The following IL1RAPL2 variants were observed in gnomAD, a reference collection of about 807,000 sequenced individuals.
IL1RAPL2 encodes interleukin 1 receptor accessory protein like 2.
In IL1RAPL2, 3 loss-of-function variants were observed where a neutral mutation model predicts 44.1. The observed-to-expected ratio is 0.07, with a 90% CI of 0.03 to 0.18. The LOEUF is 0.18. Ranked by LOEUF, IL1RAPL2 falls within the 10% of genes least tolerant of loss-of-function variation. The pLI is 1.00. For missense variants in IL1RAPL2, 391 were observed against 496.4 expected, an observed-to-expected ratio of 0.79 and a Z score of 2.02; for synonymous variants, 181 against 178.8, an observed-to-expected ratio of 1.01 and a Z score of -0.10.
intron 3 of IL1RAPL2, among the ~76,000 whole-genome samples, chrX:105,209,315 A>G (rs1233600935): frequency 8.9e-6 from 1 of 112,247 alleles, no homozygotes; most frequent in Non-Finnish European, 1.9e-5. Context: ...AGAGACAGGT[A>G]TAGCCAAGTT....
chrX:105,747,723 AGACT>A (rs1207868766), intron 8 of IL1RAPL2, among the ~76,000 whole-genome samples: 2 of 109,222 alleles, frequency 1.8e-5, no homozygotes, highest in African/African-American at 6.7e-5. Flanking sequence ...CAAGAGTGAC[AGACT>A]GTCAATGGTC....
chrX:105,130,266 A>G (rs1010191560), intron 2 of IL1RAPL2, among the ~76,000 whole-genome samples: 7 of 111,315 alleles, frequency 6.3e-5, no homozygotes, highest in African/African-American at 2.0e-4. Flanking sequence ...TTAGAAAAAC[A>G]TGATTTTCAG....
At position 105,026,045 on chromosome X, in the gene IL1RAPL2, C is replaced by T. The variant is rs1179188959; in HGVS notation, c.83-169430C>T. The stretch of plus-strand genomic sequence containing the variant: ...GACAAGAGTTGGGACCAGGAATCTG[C>T]GGAAAAGCATTGATGGGGGAATGGG... On this transcript the variant is annotated intron_variant, in intron 2 of 10. Transcript: ENST00000372582. 6.3e-5 allele frequency among the ~76,000 whole-genome samples: 7 copies of T among 110,684 alleles called. No individual in the cohort carries two copies. In the South Asian group the frequency reaches 2.7e-3, roughly 43 times the overall value.
intron 5 of IL1RAPL2, among the ~76,000 whole-genome samples, chrX:105,447,123 A>G (rs2035964862): frequency 1.6e-5 from 1 of 61,327 alleles, no homozygotes. Context: ...ATATATAAAT[A>G]TAAATATATA....
At chrX:104,998,157 A>G (rs1482887098) in intron 2 of IL1RAPL2, among the ~76,000 whole-genome samples, 1 of 111,641 alleles carries the variant, frequency 9.0e-6, no homozygotes, top group Non-Finnish European at 1.9e-5. Context: ...GTTAAAAAGG[A>G]GTGGTAACAA....
intron 2 of IL1RAPL2, among the ~76,000 whole-genome samples, chrX:104,687,944 A>C (rs1332712162): frequency 9.0e-6 from 1 of 111,500 alleles, no homozygotes; most frequent in African/African-American, 3.3e-5. Context: ...AAGAAACAAC[A>C]AAAAACCAAA....
chrX:105,354,140 T>C (rs1490930285), intron 5 of IL1RAPL2, among the ~76,000 whole-genome samples: 1 of 111,079 alleles, frequency 9.0e-6, no homozygotes. Context: ...GACCCAGCCA[T>C]CCCATTACTG....
intron 1 of IL1RAPL2, among the ~76,000 whole-genome samples, chrX:104,636,781 T>C (rs1442418252): frequency 8.9e-6 from 1 of 112,487 alleles, no homozygotes; most frequent in African/African-American, 3.2e-5. Flanking sequence ...CACTGACCCC[T>C]TGTGCTTCCC....
In IL1RAPL2 at chrX:104,850,522, T is replaced by G. The variant is rs1423456930; in HGVS notation, c.82+191527T>G. Reference sequence around the variant, plus strand: ...AAGATTTTGATCTATTTGATCTGAGTCTTTCATAAACATTTATCTAGGTTT... The same window carrying G: ...AAGATTTTGATCTATTTGATCTGAGGCTTTCATAAACATTTATCTAGGTTT... On this transcript the variant is annotated intron_variant, in intron 2 of 10. Coordinates refer to ENST00000372582, the MANE Select transcript of IL1RAPL2 (RefSeq NM_017416.2). Among the ~76,000 whole-genome samples, 6 of 111,925 alleles carry G rather than the reference T, an allele frequency of 5.4e-5. No individual in the cohort carries two copies. In the East Asian group the frequency reaches 1.4e-3, roughly 26 times the overall value.
intron 2 of IL1RAPL2, among the ~76,000 whole-genome samples, chrX:105,009,496 A>C (rs1453302317): frequency 1.2e-4 from 13 of 106,474 alleles, no homozygotes; most frequent in Non-Finnish European, 2.3e-4. Flanking sequence ...AACTATCGCA[A>C]GGACAAAAAA....
chrX:105,425,338 G>A (rs1239529467), intron 5 of IL1RAPL2, among the ~76,000 whole-genome samples: 3 of 110,776 alleles, frequency 2.7e-5, no homozygotes, highest in Non-Finnish European at 3.8e-5. Flanking sequence ...AGAAAAATAC[G>A]GAGGAGGAAA....
rs2034413016 is a variant in IL1RAPL2 at position 105,267,558 on chromosome X, C to T, written c.697+17C>T. 1.8e-6 allele frequency: 2 copies of T among 1,137,088 alleles called. No homozygotes were observed. The highest frequency in any genetic ancestry group is 1.8e-5 in the African/African-American group (1 of 54,594). The allele number at this position is 1,137,088 out of a possible 1,213,427, so 93.7% of individuals were successfully genotyped here. A position where few individuals can be genotyped will look rare whatever the true frequency, so the allele number is the denominator to read the frequency against. ...AAGTTACAGGTAGGAATCAGTTCTA[C>T]AAAATTACGGCAAATGAGATTTTAA... On this transcript the variant is annotated intron_variant, in intron 5 of 10. Coordinates refer to ENST00000372582, the MANE Select transcript of IL1RAPL2 (RefSeq NM_017416.2).
At chrX:105,475,352 CATATT>C (rs199923489) in intron 5 of IL1RAPL2, among the ~76,000 whole-genome samples, 1,780 of 111,024 alleles carry the variant, frequency 0.016, 30 homozygotes, top group African/African-American at 0.055. Context: ...CCTTGGGTAT[CATATT>C]ATATTTTTAG....
chrX:105,322,175 G>A (rs2034901873), intron 5 of IL1RAPL2, among the ~76,000 whole-genome samples: 1 of 112,402 alleles, frequency 8.9e-6, no homozygotes, highest in African/African-American at 3.2e-5. Flanking sequence ...TCACTATTTG[G>A]AATCCTTATG....
chrX:105,121,155 C>T (rs969115039), intron 2 of IL1RAPL2, among the ~76,000 whole-genome samples: 1 of 111,433 alleles, frequency 9.0e-6, no homozygotes, highest in Non-Finnish European at 1.9e-5. Context: ...ATGTGGGCTT[C>T]AACAAGCGTC....
intron 3 of IL1RAPL2, among the ~76,000 whole-genome samples, chrX:105,197,572 C>G (rs2033682079): frequency 9.0e-6 from 1 of 111,486 alleles, no homozygotes; most frequent in Admixed American, 9.6e-5. Flanking sequence ...TCCTTTACTC[C>G]TAGCAATAAT....
At chrX:105,293,369 A>G in intron 5 of IL1RAPL2, among the ~76,000 whole-genome samples, 1 of 111,907 alleles carries the variant, frequency 8.9e-6, no homozygotes, top group Non-Finnish European at 1.9e-5. Flanking sequence ...GTGACTGCAT[A>G]GTATCCCATG....
At chrX:105,440,751 C>A (rs1227392299) in intron 5 of IL1RAPL2, among the ~76,000 whole-genome samples, 3 of 112,131 alleles carry the variant, frequency 2.7e-5, no homozygotes, top group Non-Finnish European at 5.6e-5. Flanking sequence ...GTCTGTGTCT[C>A]CACCAAAATT....
intron 2 of IL1RAPL2, among the ~76,000 whole-genome samples, chrX:104,778,017 C>A (rs1932747549): frequency 9.1e-6 from 1 of 109,853 alleles, no homozygotes; most frequent in Non-Finnish European, 1.9e-5. Context: ...GTTGCCAACA[C>A]TTGTTTTTTT....
Sources: gnomAD v4.1 joint callset for allele counts (sites outside exome capture counted in the v4.1 genomes callset) on GRCh38, gnomAD v4.1.1 for gene constraint, MANE v1.5 for transcripts, NCBI Gene and HGNC (gene_info 2026-07-23, HGNC 2026-07-21) for gene names.